The following RASGRP4 variants were observed in gnomAD, a reference collection of about 807,000 sequenced individuals.
RASGRP4 encodes RAS guanyl-releasing protein 4.
Under a neutral mutation model 84.4 loss-of-function variants are expected in RASGRP4, and 52 were observed. The ratio of observed to expected loss-of-function variants is 0.62; its 90% CI spans 0.49 to 0.78. The LOEUF (loss-of-function observed/expected upper bound fraction) is 0.78. Among genes scored for constraint, RASGRP4 ranks in the 30% least tolerant of loss-of-function variants. The pLI, the probability that RASGRP4 is intolerant of heterozygous loss-of-function variation, is 0.00. For missense variants in RASGRP4, 760 were observed against 886.9 expected, an observed-to-expected ratio of 0.86 and a Z score of 1.82; for synonymous variants, 356 against 359.1, an observed-to-expected ratio of 0.99 and a Z score of 0.10.
At position 38,418,274 on chromosome 19, in the gene RASGRP4, G is replaced by A. The variant is rs1266064514; in HGVS notation, c.837+117C>T. The A allele has an allele frequency of 8.4e-6, 9 of 1,076,514 alleles. No homozygotes were observed. Among genetic ancestry groups the A allele is most frequent in the Non-Finnish European group, 1.2e-5 (9 of 738,846 alleles). 66.7% of individuals were successfully genotyped at this position (1,076,514 alleles called of 1,614,324 possible). On this transcript the variant is annotated intron_variant, in intron 7 of 16. Transcript: ENST00000615439. The surrounding 1 kb of genome is among the most constrained non-coding windows in gnomAD (Gnocchi z 4.6). ...GCCCAGGCTGTGGCCTCGGGGGCGG[G>A]GCCGGGAGATGCGTGACGTCACCGC...
At chr19:38,419,804 C>CCTCCCCTACCCCAGTGT in intron 6 of RASGRP4, 56 bp downstream of exon 6, 1 of 1,508,604 alleles carries the variant, frequency 6.6e-7, no homozygotes, top group Non-Finnish European at 9.0e-7. Context: ...CCAGCCAATC[C>CCTCCCCTACCCCAGTGT]CTCCCCTACC....
rs1323658184 is a variant in RASGRP4 at position 38,411,233 on chromosome 19, G to A, written c.1734C>T (p.Cys578=). Residue 578 remains cysteine, a synonymous_variant, in exon 15 of 17, where the codon TGC becomes TGT. Transcript: ENST00000615439. Reference sequence around the variant, plus strand: ...TCACCTGGTCTCTGCAGTGTTTGTGGCAACACAGCCCGCACTCTGGGGGAA... The same window carrying A: ...TCACCTGGTCTCTGCAGTGTTTGTGACAACACAGCCCGCACTCTGGGGGAA... ...GYRCRECGLC[C]HKHCRDQVKV... is the part of the protein sequence containing the mutation. 1.9e-6 allele frequency: 3 copies of A among 1,613,926 alleles called. No homozygotes were observed. The highest frequency in any genetic ancestry group is 2.5e-6 in the Non-Finnish European group (3 of 1,179,872).
intron 8 of RASGRP4, 110 bp downstream of exon 8, chr19:38,416,942 T>C: frequency 1.4e-6 from 1 of 693,076 alleles, no homozygotes; most frequent in Admixed American, 2.2e-5. Flanking sequence ...AGCAAGGACT[T>C]CATGTGGTAC....
intron 8 of RASGRP4, 131 bp from the exon 9 acceptor site, chr19:38,415,254 ATGCCGG>A: frequency 1.3e-6 from 1 of 785,726 alleles, no homozygotes; most frequent in South Asian, 2.1e-5. Context: ...TCCATATCCC[ATGCCGG>A]TCTCAGCATC....
chr19:38,425,747 C>T (rs1390277518), intron 1 of RASGRP4, among the ~76,000 whole-genome samples: 2 of 152,168 alleles, frequency 1.3e-5, no homozygotes, highest in Non-Finnish European at 2.9e-5. Context: ...CTGGAGTTTC[C>T]AGTCCACGGG....
At position 38,418,270 on chromosome 19, in the gene RASGRP4, G is replaced by A; in HGVS notation, c.837+121C>T. On this transcript the variant is annotated intron_variant, in intron 7 of 16. Transcript: ENST00000615439. The surrounding 1 kb of genome is among the most constrained non-coding windows in gnomAD (Gnocchi z 4.6). Reference sequence around the variant, plus strand: ...GAATGCCCAGGCTGTGGCCTCGGGGGCGGGGCCGGGAGATGCGTGACGTCA... The same window carrying A: ...GAATGCCCAGGCTGTGGCCTCGGGGACGGGGCCGGGAGATGCGTGACGTCA... The A allele has an allele frequency of 2.0e-6, 2 of 1,021,878 alleles. No individual in the cohort carries two copies. Among genetic ancestry groups the A allele is most frequent in the East Asian group, 2.6e-5 (1 of 38,234 alleles). 63.3% of individuals were successfully genotyped at this position (1,021,878 alleles called of 1,614,324 possible). A position where few individuals can be genotyped will look rare whatever the true frequency, so the allele number is the denominator to read the frequency against.
intron 1 of RASGRP4, among the ~76,000 whole-genome samples, chr19:38,424,634 T>C (rs1236217518): frequency 2.0e-5 from 3 of 146,472 alleles, no homozygotes; most frequent in Admixed American, 1.4e-4. Flanking sequence ...GGGGTCTCAC[T>C]ATATTTCTCA....
At chr19:38,422,485 G>C (rs1179830759) in intron 1 of RASGRP4, among the ~76,000 whole-genome samples, 1 of 152,122 alleles carries the variant, frequency 6.6e-6, no homozygotes, top group Admixed American at 6.5e-5. Flanking sequence ...GAACCAGCGG[G>C]CAAGCAAGCA....
intron 15 of RASGRP4, 21 bp downstream of exon 15, chr19:38,411,093 AC>A (rs771110568): frequency 4.8e-5 from 77 of 1,610,376 alleles, no homozygotes; most frequent in Non-Finnish European, 6.5e-5. Context: ...CCTTCCCAGC[AC>A]CGGTGTGCTC....
In RASGRP4 at chr19:38,412,712, G is replaced by C. The variant is rs1353812602; in HGVS notation, c.1640C>G (p.Thr547Ser). The change falls in exon 13 of 17, where the codon ACC becomes AGC. Residue 547 changes from threonine to serine, a missense_variant. Coordinates refer to ENST00000615439, the MANE Select transcript of RASGRP4 (RefSeq NM_170604.3). The surrounding 1 kb of genome is among the most constrained non-coding windows in gnomAD (Gnocchi z 4.6). Reference sequence around the variant, plus strand: ...GTCGCAGAAGGTAGGCTTTCGGAAGGTGACCTCATGGAAGGTGTGCAGGAA... The same window carrying C: ...GTCGCAGAAGGTAGGCTTTCGGAAGCTGACCTCATGGAAGGTGTGCAGGAA... Reference protein sequence around the residue: ...LAFLHTFHEVTFRKPTFCDSC... With the variant: ...LAFLHTFHEVSFRKPTFCDSC... 1.2e-6 allele frequency: 2 copies of C among 1,613,238 alleles called. No individual in the cohort carries two copies.
intron 4 of RASGRP4, 29 bp downstream of exon 4, chr19:38,420,879 T>A: frequency 6.2e-7 from 1 of 1,607,932 alleles, no homozygotes; most frequent in African/African-American, 1.3e-5. Context: ...TCGTGGGTCC[T>A]GAGAGTGGGG....
In RASGRP4 at chr19:38,418,580, G is replaced by A; in HGVS notation, c.664-16C>T. On this transcript the variant is annotated splice_polypyrimidine_tract_variant and intron_variant, in intron 6 of 16. Transcript: ENST00000615439. The surrounding 1 kb of genome is among the most constrained non-coding windows in gnomAD (Gnocchi z 4.6). The stretch of plus-strand genomic sequence containing the variant: ...GGTCCTGGGGCTGGGAGCGAGGTGG[G>A]TGTCAAGGTGGGCCGTGGCGCTCAG... 6.7e-7 allele frequency: 1 copy of A among 1,495,826 alleles called. No individual in the cohort carries two copies. The highest frequency in any genetic ancestry group is 8.9e-7 in the Non-Finnish European group (1 of 1,120,378). The allele number at this position is 1,495,826 out of a possible 1,614,324, so 92.7% of individuals were successfully genotyped here.
chr19:38,424,601 T>C (rs994586173), intron 1 of RASGRP4, among the ~76,000 whole-genome samples: 1 of 135,958 alleles, frequency 7.4e-6, no homozygotes, highest in African/African-American at 2.7e-5. Flanking sequence ...GTGTGTGTGT[T>C]TGGGTGTGTG....
chr19:38,411,655 C>T (rs1079161), intron 13 of RASGRP4: 38,451 of 420,752 alleles, frequency 0.091, 4,535 homozygotes, highest in African/African-American at 0.37. Flanking sequence ...GATCGTACCA[C>T]GGCACTCCAG....
At position 38,410,894 on chromosome 19, in the gene RASGRP4, T is replaced by C. The variant is rs1971216407; in HGVS notation, c.1957A>G (p.Thr653Ala). 1 of 1,594,936 alleles carries C rather than the reference T, an allele frequency of 6.3e-7. No homozygotes were observed. The highest frequency in any genetic ancestry group is 8.5e-7 in the Non-Finnish European group (1 of 1,170,796). Residue 653 changes from threonine (T) to alanine (A), a missense_variant, in exon 16 of 17, where the codon ACA (threonine) becomes GCA (alanine). Coordinates refer to ENST00000615439, the MANE Select transcript of RASGRP4 (RefSeq NM_170604.3). ...GGGCGGTTTCTCCTCACCGTATCTG[T>C]TTCCCAGGAAGGGTGTGGGGATTCA... ...QTESPHPSWE[T>A]DTVPCPVMDP... is the part of the protein sequence containing the mutation.
chr19:38,424,053 G>A (rs1971880292), intron 1 of RASGRP4, among the ~76,000 whole-genome samples: 1 of 152,062 alleles, frequency 6.6e-6, no homozygotes, highest in African/African-American at 2.4e-5. Context: ...ATTTCTCTGG[G>A]GCTCAATTTC....
intron 2 of RASGRP4, 110 bp downstream of exon 2, chr19:38,421,859 T>C: frequency 1.2e-6 from 1 of 819,976 alleles, no homozygotes; most frequent in East Asian, 2.7e-5. Context: ...TGATTGAGTT[T>C]CATTCCACCC....
Position 38,417,598 on chromosome 19 carries a change from A to G in RASGRP4, c.838-430T>C, listed in dbSNP as rs773472143. Among the ~76,000 whole-genome samples the G allele has an allele frequency of 1.3e-5, 2 of 152,254 alleles. No homozygotes were observed. The highest frequency in any genetic ancestry group is 2.4e-5 in the African/African-American group (1 of 41,558). On this transcript the variant is annotated intron_variant, in intron 7 of 16. Transcript: ENST00000615439. The surrounding 1 kb of genome is among the most constrained non-coding windows in gnomAD (Gnocchi z 5.1). Reference sequence around the variant, plus strand: ...TCTGGGCAGGAGCTGGGAGCCAGGCAGAGGTGAATAGGGCCAGAGAGATAT... The same window carrying G: ...TCTGGGCAGGAGCTGGGAGCCAGGCGGAGGTGAATAGGGCCAGAGAGATAT...
chr19:38,419,895 T>C lies in RASGRP4; in HGVS notation c.628A>G (p.Thr210Ala). The C allele has an allele frequency of 1.2e-6, 2 of 1,607,608 alleles. No homozygotes were observed. The highest frequency in any genetic ancestry group is 1.7e-6 in the Non-Finnish European group (2 of 1,177,142). Reference protein sequence around the residue: ...LETGELAQHLTYLEFRSFQAI... With the variant: ...LETGELAQHLAYLEFRSFQAI... ...TGGAAGGACCGGAACTCCAGGTAGG[T>C]GAGGTGCTGAGCCAGCTCCCCCGTC... The change falls in exon 6 of 17, where the codon ACC becomes GCC. Residue 210 changes from threonine (T) to alanine (A), a missense_variant. Physicochemically the swap from Thr to Ala is moderately conservative, Grantham distance 58. Transcript: ENST00000615439.
Sources: allele counts gnomAD v4.1 joint callset (sites outside exome capture counted in the v4.1 genomes callset), GRCh38; gene constraint gnomAD v4.1.1; non-coding constraint Gnocchi (gnomAD v3.1); transcripts MANE v1.5; gene names NCBI Gene and HGNC (gene_info 2026-07-23, HGNC 2026-07-21).